CNTNAP2: variants seen among roughly 807,000 people sequenced by gnomAD.
CNTNAP2 encodes the protein contactin associated protein 2, also known as contactin-associated protein-like 2.
Under a neutral mutation model 155.2 loss-of-function variants are expected in CNTNAP2, and 98 were observed. The ratio of observed to expected loss-of-function variants is 0.63; its 90% CI spans 0.54 to 0.75. The LOEUF (loss-of-function observed/expected upper bound fraction) is 0.75. CNTNAP2 is among the 30% of genes least tolerant of loss of function. CNTNAP2 has a pLI of 0.00. For synonymous variants in CNTNAP2, 651 were observed against 631.2 expected, an observed-to-expected ratio of 1.03 and a Z score of -0.47; for missense variants, 1,727 against 1,688.1, an observed-to-expected ratio of 1.02 and a Z score of -0.40.
At position 147,247,049 on chromosome 7, in the gene CNTNAP2, G is replaced by A. The variant is rs575583371; in HGVS notation, c.1349-53092G>A. On this transcript the variant is annotated intron_variant, in intron 8 of 23. Transcript: ENST00000361727. ...ACAAGTCTCTACTTCAGTCCCTGTG[G>A]GGTTTCTAATATTATAAAAAGTAAT... 2.4e-4 allele frequency among the ~76,000 whole-genome samples: 36 copies of A among 152,102 alleles called. 1 individual carries two copies. In the South Asian group the frequency reaches 6.6e-3, roughly 28 times the overall value.
intron 15 of CNTNAP2, among the ~76,000 whole-genome samples, chr7:147,996,422 A>C (rs564535709): frequency 1.7e-4 from 26 of 152,322 alleles, no homozygotes; most frequent in African/African-American, 5.8e-4. Context: ...CTGACAGGGA[A>C]AGTGTAGAAA....
chr7:146,178,074 C>T (rs1584788558), intron 1 of CNTNAP2, among the ~76,000 whole-genome samples: 1 of 152,114 alleles, frequency 6.6e-6, no homozygotes, highest in East Asian at 1.9e-4. Flanking sequence ...CGTTCTGTCA[C>T]CCAGGCTAGA....
At chr7:147,406,194 A>AAAAGG (rs10566518) in intron 10 of CNTNAP2, among the ~76,000 whole-genome samples, 2 of 151,670 alleles carry the variant, frequency 1.3e-5, no homozygotes, top group Middle Eastern at 3.4e-3. Context: ...GAGAAAAAAG[A>AAAAGG]AAAGGAAAGG....
rs774997884 is a variant in CNTNAP2 at position 147,121,160 on chromosome 7, T to C, written c.936T>C (p.Tyr312=). The C allele has an allele frequency of 2.0e-5, 33 of 1,613,868 alleles. 1 individual carries two copies. The Middle Eastern group carries it at 8.2e-4, about 40-fold the overall frequency. The change falls in exon 6 of 24, where the codon TAT becomes TAC. Residue 312 remains tyrosine (Y), a synonymous_variant. Coordinates refer to ENST00000361727, the MANE Select transcript of CNTNAP2 (RefSeq NM_014141.6). ...NGEFDYLDLD[Y]EITFGGIPFS... The stretch of plus-strand genomic sequence containing the variant: ...AGTTTGACTACCTGGACTTGGACTA[T>C]GAGGTACATGTGATGACGTAGAAAT...
chr7:146,990,789 T>A (rs571009318), intron 3 of CNTNAP2, among the ~76,000 whole-genome samples: 6 of 152,078 alleles, frequency 3.9e-5, no homozygotes, highest in Middle Eastern at 6.8e-3. Flanking sequence ...TTTTAAGACA[T>A]TAATAAGAAA....
intron 1 of CNTNAP2, among the ~76,000 whole-genome samples, chr7:146,441,588 C>T (rs533830507): frequency 1.3e-5 from 2 of 151,608 alleles, no homozygotes; most frequent in Admixed American, 1.3e-4. Context: ...CTAAACCTGG[C>T]ATGCATTTCC....
chr7:147,241,138 A>G (rs773691839), intron 8 of CNTNAP2, among the ~76,000 whole-genome samples: 5 of 152,204 alleles, frequency 3.3e-5, no homozygotes, highest in African/African-American at 9.6e-5. Flanking sequence ...ACGTTGCTTC[A>G]AGGTACAAGA....
intron 3 of CNTNAP2, among the ~76,000 whole-genome samples, chr7:147,041,267 C>T (rs552453818): frequency 6.6e-6 from 1 of 152,124 alleles, no homozygotes; most frequent in South Asian, 2.1e-4. Flanking sequence ...TATTCCTGAA[C>T]ACCCTTGGTT....
At chr7:146,534,886 T>G (rs1267449405) in intron 1 of CNTNAP2, among the ~76,000 whole-genome samples, 8 of 149,522 alleles carry the variant, frequency 5.4e-5, no homozygotes, top group Non-Finnish European at 8.9e-5. Flanking sequence ...CCATAGCTCA[T>G]AAACAAAAAT....
intron 13 of CNTNAP2, among the ~76,000 whole-genome samples, chr7:147,801,325 T>TA (rs1554436485): frequency 1.2e-4 from 17 of 145,078 alleles, no homozygotes; most frequent in East Asian, 2.0e-4. Flanking sequence ...TTTTTTTTTT[T>TA]AATTTTTTTT....
intron 3 of CNTNAP2, among the ~76,000 whole-genome samples, chr7:146,917,337 G>A (rs1442645361): frequency 2.0e-5 from 3 of 152,074 alleles, no homozygotes; most frequent in Admixed American, 2.0e-4. Flanking sequence ...TTGTTCCAGG[G>A]TATAGTTTAA....
At position 147,678,623 on chromosome 7, in the gene CNTNAP2, T is replaced by C. The variant is rs536094349; in HGVS notation, c.2098+39317T>C. The stretch of plus-strand genomic sequence containing the variant: ...AGGGGATTCATTTGCCTGCAGGCAG[T>C]TTGGTTAAAATTCTCCCTTAGTTCT... On this transcript the variant is annotated intron_variant, in intron 13 of 23. Transcript: ENST00000361727. Among the ~76,000 whole-genome samples the C allele has an allele frequency of 2.0e-5, 3 of 151,494 alleles. No individual in the cohort carries two copies. In the East Asian group the frequency reaches 5.8e-4, roughly 29 times the overall value.
rs537888540 is a variant in CNTNAP2, at chr7:146,826,735, A to G, written c.209-12976A>G. Among the ~76,000 whole-genome samples the G allele has an allele frequency of 2.6e-5, 4 of 152,132 alleles. No homozygotes were observed. In the East Asian group the frequency reaches 7.7e-4, roughly 29 times the overall value. On this transcript the variant is annotated intron_variant, in intron 2 of 23. Coordinates refer to ENST00000361727, the MANE Select transcript of CNTNAP2 (RefSeq NM_014141.6). The stretch of plus-strand genomic sequence containing the variant: ...CCACTCTGAGTGCTAGAGTTTTAAT[A>G]CAATCCAAGGATTTCTCCAAGATAA...
At chr7:148,226,633 A>AG (rs1000431743) in intron 19 of CNTNAP2, among the ~76,000 whole-genome samples, 1 of 85,402 alleles carries the variant, frequency 1.2e-5, no homozygotes, top group Admixed American at 9.8e-5. Flanking sequence ...TCAACTGGAA[A>AG]GGGGAAAAAA....
At chr7:146,969,262 T>A (rs1413841281) in intron 3 of CNTNAP2, among the ~76,000 whole-genome samples, 2 of 152,108 alleles carry the variant, frequency 1.3e-5, no homozygotes, top group African/African-American at 2.4e-5. Context: ...AGGTGTGGTG[T>A]GGTGCTGAAA....
In CNTNAP2 at chr7:146,535,310, T is replaced by A. The variant is rs1247242132; in HGVS notation, c.98-238961T>A. ...ATATAATGTATATTATATATGATAT[T>A]ATATCATATATATTATATATTATAT... On this transcript the variant is annotated intron_variant, in intron 1 of 23. Coordinates refer to ENST00000361727, the MANE Select transcript of CNTNAP2 (RefSeq NM_014141.6). Among the ~76,000 whole-genome samples, 4 of 62,548 alleles carry A rather than the reference T, an allele frequency of 6.4e-5. 1 individual carries two copies. Among genetic ancestry groups the A allele is most frequent in the East Asian group, 1.0e-3 (2 of 1,910 alleles). The allele number at this position is 62,548 out of a possible 152,430, so 41.0% of individuals were successfully genotyped here. A position where few individuals can be genotyped will look rare whatever the true frequency, so the allele number is the denominator to read the frequency against.
intron 13 of CNTNAP2, among the ~76,000 whole-genome samples, chr7:147,896,390 G>A (rs576679104): frequency 6.6e-6 from 1 of 152,266 alleles, no homozygotes; most frequent in East Asian, 1.9e-4. Context: ...ATCAAGACAG[G>A]GGAGTTGCAA....
intron 21 of CNTNAP2, among the ~76,000 whole-genome samples, chr7:148,289,418 C>T (rs965418812): frequency 2.0e-5 from 3 of 152,078 alleles, no homozygotes; most frequent in African/African-American, 7.2e-5. Context: ...TGGGAGTTTT[C>T]GGAACAGATT....
chr7:147,268,803 T>C (rs542778245), intron 8 of CNTNAP2, among the ~76,000 whole-genome samples: 21 of 152,318 alleles, frequency 1.4e-4, no homozygotes, highest in African/African-American at 4.8e-4. Flanking sequence ...AGATTTTGTT[T>C]TCCTATTACA....
Sources: gnomAD v4.1 joint callset for allele counts (sites outside exome capture counted in the v4.1 genomes callset) on GRCh38, gnomAD v4.1.1 for gene constraint, MANE v1.5 for transcripts, NCBI Gene and HGNC (gene_info 2026-07-23, HGNC 2026-07-21) for gene names.